Variants in DGKB observed in about 807,000 individuals in gnomAD.
DGKB encodes 90 kDa diacylglycerol kinase.
In DGKB, 67 loss-of-function variants were observed where a neutral mutation model predicts 114.3. The observed-to-expected ratio is 0.59, with a 90% CI of 0.48 to 0.72. DGKB has a LOEUF of 0.72. Ranked by LOEUF, DGKB falls within the 30% of genes least tolerant of loss-of-function variation. The pLI, the probability that DGKB is intolerant of heterozygous loss-of-function variation, is 0.00. For synonymous variants in DGKB, 398 were observed against 323.1 expected, an observed-to-expected ratio of 1.23 and a Z score of -2.49; for missense variants, 907 against 975.2, an observed-to-expected ratio of 0.93 and a Z score of 0.93.
chr7:14,521,940 G>T (rs1355590299), intron 20 of DGKB, among the ~76,000 whole-genome samples: 1 of 151,716 alleles, frequency 6.6e-6, no homozygotes, highest in Non-Finnish European at 1.5e-5. Context: ...TTGTAATTTT[G>T]CCTGGACTAA....
chr7:14,403,523 T>TA (rs35530262), intron 21 of DGKB, among the ~76,000 whole-genome samples: 133,933 of 151,344 alleles, frequency 0.88, 60,374 homozygotes, highest in Non-Finnish European at 0.97. Context: ...TTTTCCATTT[T>TA]AAAAAAAACC....
chr7:14,315,716 C>G, intron 23 of DGKB, among the ~76,000 whole-genome samples: 1 of 150,380 alleles, frequency 6.6e-6, no homozygotes, highest in East Asian at 1.9e-4. Context: ...CAACATTAGA[C>G]AGATCAACGG....
rs970882473 is a variant in DGKB, at chr7:14,484,620, T to C, written c.1771-6395A>G. ...AAGCTTAAGCTGGTGCTATGCTTGC[T>C]GTACAGTCTGCAGAACCTTGAGCCA... On this transcript the variant is annotated intron_variant, in intron 20 of 25. Coordinates refer to ENST00000402815, the MANE Select transcript of DGKB (RefSeq NM_001350709.2). 7.2e-5 allele frequency among the ~76,000 whole-genome samples: 11 copies of C among 152,332 alleles called. No homozygotes were observed. The East Asian group carries it at 1.4e-3, about 19-fold the overall frequency.
chr7:14,692,588 A>C (rs566017954), intron 9 of DGKB, among the ~76,000 whole-genome samples: 1 of 151,892 alleles, frequency 6.6e-6, no homozygotes, highest in South Asian at 2.1e-4. Context: ...ATGGTATTAT[A>C]AAAAAATACT....
At chr7:14,336,109 A>G (rs977958731) in intron 23 of DGKB, among the ~76,000 whole-genome samples, 7 of 152,230 alleles carry the variant, frequency 4.6e-5, no homozygotes, top group African/African-American at 1.7e-4. Flanking sequence ...CTATTTAGGA[A>G]AGGGATAAAT....
At chr7:14,215,677 A>T (rs993359905) in intron 23 of DGKB, among the ~76,000 whole-genome samples, 14 of 152,102 alleles carry the variant, frequency 9.2e-5, no homozygotes, top group African/African-American at 3.4e-4. Context: ...GGCCTAATTA[A>T]ATTAATTCAT....
At chr7:14,833,224 G>C (rs1053197517) in intron 2 of DGKB, among the ~76,000 whole-genome samples, 1 of 151,794 alleles carries the variant, frequency 6.6e-6, no homozygotes, top group Non-Finnish European at 1.5e-5. Context: ...TCTCCTAATA[G>C]GTTTTTAGTC....
chr7:14,542,416 C>T (rs762757515), intron 20 of DGKB, among the ~76,000 whole-genome samples: 2 of 152,072 alleles, frequency 1.3e-5, no homozygotes, highest in African/African-American at 4.8e-5. Context: ...TTGTACTACC[C>T]GTATTCTCTA....
intron 23 of DGKB, among the ~76,000 whole-genome samples, chr7:14,325,058 T>C (rs959226166): frequency 1.3e-5 from 2 of 152,182 alleles, no homozygotes; most frequent in African/African-American, 4.8e-5. Context: ...CTCTGTCTTC[T>C]CTTAGTATTT....
chr7:14,637,460 A>T (rs146922226), intron 13 of DGKB, among the ~76,000 whole-genome samples: 9 of 151,714 alleles, frequency 5.9e-5, no homozygotes, highest in Admixed American at 5.2e-4. Flanking sequence ...TTTAGGAGCA[A>T]ACTTCAAGCA....
intron 12 of DGKB, among the ~76,000 whole-genome samples, chr7:14,675,832 C>A (rs1819760966): frequency 6.6e-6 from 1 of 151,928 alleles, no homozygotes; most frequent in South Asian, 2.1e-4. Flanking sequence ...TAGAATCTGG[C>A]AGCTAATAAA....
rs559088127 is a variant in DGKB, at chr7:14,172,160, G to C, written c.2304+4679C>G. Among the ~76,000 whole-genome samples the C allele has an allele frequency of 4.8e-4, 73 of 152,284 alleles. 1 individual carries two copies. The highest frequency in any genetic ancestry group is 8.4e-4 in the Non-Finnish European group (57 of 68,018). ...GAAGAGGAAAAATTTGTTTGGACAA[G>C]AGGGAAGCGCATGAAAAGACTTTTT... On this transcript the variant is annotated intron_variant, in intron 25 of 25. Coordinates refer to ENST00000402815, the MANE Select transcript of DGKB (RefSeq NM_001350709.2).
At chr7:14,425,926 A>G (rs549333400) in intron 21 of DGKB, among the ~76,000 whole-genome samples, 555 of 152,284 alleles carry the variant, frequency 3.6e-3, no homozygotes, top group African/African-American at 0.012. Context: ...CTCAAACAAA[A>G]TAACAATATT....
At chr7:14,694,228 CA>C in intron 8 of DGKB, 34 bp from the exon 9 acceptor site, 1 of 1,539,940 alleles carries the variant, frequency 6.5e-7, no homozygotes, top group South Asian at 1.2e-5. Context: ...AATTGGTGGT[CA>C]ACCAATAAAA....
chr7:14,893,209 T>TCATC (rs1451108042), intron 1 of DGKB, among the ~76,000 whole-genome samples: 3 of 151,296 alleles, frequency 2.0e-5, no homozygotes, highest in Non-Finnish European at 3.0e-5. Context: ...GTTTCACCCC[T>TCATC]CATCACTCCA....
chr7:14,296,759 T>G (rs1041066894), intron 23 of DGKB, among the ~76,000 whole-genome samples: 66 of 62,382 alleles, frequency 1.1e-3, no homozygotes, highest in African/African-American at 3.2e-3. Context: ...ATCCAGGGAC[T>G]GTTTTTTTTT....
At chr7:14,835,465 G>T (rs546588144) in intron 2 of DGKB, among the ~76,000 whole-genome samples, 1 of 152,164 alleles carries the variant, frequency 6.6e-6, no homozygotes, top group Non-Finnish European at 1.5e-5. Flanking sequence ...CAAATTATGT[G>T]TTCTCAGACA....
chr7:14,301,039 G>A (rs1432825504), intron 23 of DGKB, among the ~76,000 whole-genome samples: 2 of 152,020 alleles, frequency 1.3e-5, no homozygotes, highest in South Asian at 2.1e-4. Context: ...GGCACACACA[G>A]CCTGTAATAT....
At chr7:14,428,690 G>T (rs1330329907) in intron 21 of DGKB, among the ~76,000 whole-genome samples, 2 of 152,020 alleles carry the variant, frequency 1.3e-5, no homozygotes, top group African/African-American at 2.4e-5. Context: ...CTAATTAATG[G>T]GAAGTTTCTT....
Sources: allele counts gnomAD v4.1 joint callset (sites outside exome capture counted in the v4.1 genomes callset), GRCh38; gene constraint gnomAD v4.1.1; transcripts MANE v1.5; gene names NCBI Gene and HGNC (gene_info 2026-07-23, HGNC 2026-07-21).